GPM6A: variants seen among roughly 807,000 people sequenced by gnomAD.
GPM6A encodes glycoprotein M6A.
A neutral mutation model predicts 32.1 loss-of-function variants in GPM6A; 7 were observed. The observed-to-expected ratio is 0.22, with a 90% confidence interval of 0.12 to 0.41. The LOEUF (loss-of-function observed/expected upper bound fraction) is 0.41, where lower values mean the gene tolerates loss of function less well. Among genes scored for constraint, GPM6A ranks in the 10% least tolerant of loss-of-function variants. The pLI is 1.00. For missense variants in GPM6A, 235 were observed against 347.2 expected (o/e 0.68, Z 2.57); for synonymous variants, 130 against 123.4 (o/e 1.05, Z -0.35).
intron 1 of GPM6A, among the ~76,000 whole-genome samples, chr4:175,772,798 CAG>C (rs1424337622): frequency 6.6e-6 from 1 of 151,948 alleles, no homozygotes; most frequent in Non-Finnish European, 1.5e-5. Flanking sequence ...CAAAGAGAGA[CAG>C]AGAGAGAAAG....
intron 1 of GPM6A, among the ~76,000 whole-genome samples, chr4:176,002,031 G>A (rs1338234605): frequency 3.3e-5 from 5 of 152,176 alleles, no homozygotes; most frequent in Non-Finnish European, 7.3e-5. Context: ...GGCCGGCGCA[G>A]AGGATCAGCG....
intron 1 of GPM6A, among the ~76,000 whole-genome samples, chr4:175,859,981 A>T (rs1736525443): frequency 6.6e-6 from 1 of 152,152 alleles, no homozygotes; most frequent in Non-Finnish European, 1.5e-5. Flanking sequence ...AGACCATTTT[A>T]AACTATTTTG....
At chr4:175,778,258 G>C (rs1346768433) in intron 1 of GPM6A, among the ~76,000 whole-genome samples, 1 of 152,166 alleles carries the variant, frequency 6.6e-6, no homozygotes, top group Non-Finnish European at 1.5e-5. Flanking sequence ...TATTAATAGA[G>C]TTGGGTACTA....
chr4:175,821,115 T>C (rs1337245533), intron 1 of GPM6A, among the ~76,000 whole-genome samples: 1 of 152,184 alleles, frequency 6.6e-6, no homozygotes, highest in East Asian at 1.9e-4. Context: ...CTAAGAACTA[T>C]CTGAGAATCC....
chr4:175,738,853 C>T (rs769216797), intron 1 of GPM6A, among the ~76,000 whole-genome samples: 5 of 152,142 alleles, frequency 3.3e-5, no homozygotes, highest in Admixed American at 3.3e-4. Flanking sequence ...ACCCTCCCTA[C>T]ACACCATCTG....
In GPM6A at chr4:175,640,789, G is replaced by A; in HGVS notation, c.582C>T (p.Val194=). The stretch of plus-strand genomic sequence containing the variant: ...CGCACATCCTCAAGAAATTCTCAGA[G>A]ACAGTACAAATTTTCTTTTCCTCTC... ...TIGEEKKICT[V]SENFLRMCES... The change falls in exon 5 of 7, where the codon GTC becomes GTT. Residue 194 remains valine, a synonymous_variant. Coordinates refer to ENST00000393658, the MANE Select transcript of GPM6A (RefSeq NM_201591.3). The A allele has an allele frequency of 1.2e-6, 2 of 1,610,252 alleles. No homozygotes were observed. Among genetic ancestry groups the A allele is most frequent in the East Asian group, 2.2e-5 (1 of 44,710 alleles).
intron 1 of GPM6A, among the ~76,000 whole-genome samples, chr4:175,967,837 C>T (rs1349357787): frequency 6.6e-6 from 1 of 152,146 alleles, no homozygotes; most frequent in African/African-American, 2.4e-5. Context: ...GATGTCAGTT[C>T]TTCCCAATTA....
At chr4:175,751,613 C>T (rs1003842084) in intron 1 of GPM6A, among the ~76,000 whole-genome samples, 1 of 151,962 alleles carries the variant, frequency 6.6e-6, no homozygotes, top group Non-Finnish European at 1.5e-5. Flanking sequence ...AGCCGACTTG[C>T]CAAAAAGCTG....
intron 1 of GPM6A, among the ~76,000 whole-genome samples, chr4:175,757,371 C>T (rs893507094): frequency 6.6e-6 from 1 of 152,122 alleles, no homozygotes; most frequent in African/African-American, 2.4e-5. Context: ...CATTTTATTT[C>T]AGTCTCATTA....
At chr4:175,906,314 G>A (rs1034120978) in intron 1 of GPM6A, among the ~76,000 whole-genome samples, 3 of 152,108 alleles carry the variant, frequency 2.0e-5, no homozygotes, top group Admixed American at 2.0e-4. Flanking sequence ...TGATGTCAAG[G>A]GGAGGGAAAG....
intron 1 of GPM6A, among the ~76,000 whole-genome samples, chr4:175,935,113 T>C (rs1739176114): frequency 6.6e-6 from 1 of 152,220 alleles, no homozygotes; most frequent in African/African-American, 2.4e-5. Flanking sequence ...TACCCTCTAC[T>C]CTAGGTATTG....
At chr4:175,637,270 TATATTA>T (rs1740726913) in intron 6 of GPM6A, among the ~76,000 whole-genome samples, 1 of 51,284 alleles carries the variant, frequency 1.9e-5, no homozygotes, top group Admixed American at 4.2e-4. Flanking sequence ...ATATATATTA[TATATTA>T]TATATTATAT....
chr4:175,651,286 A>G (rs1156467041), intron 4 of GPM6A, among the ~76,000 whole-genome samples: 1 of 152,226 alleles, frequency 6.6e-6, no homozygotes, highest in Non-Finnish European at 1.5e-5. Context: ...AAATCCATAT[A>G]CATATGAGTA....
At chr4:175,893,494 T>C (rs1404436200) in intron 1 of GPM6A, among the ~76,000 whole-genome samples, 2 of 152,114 alleles carry the variant, frequency 1.3e-5, no homozygotes, top group Non-Finnish European at 2.9e-5. Context: ...CTCCTGACCT[T>C]ACTCTGATCA....
At chr4:175,785,020 A>T (rs537684352) in intron 1 of GPM6A, among the ~76,000 whole-genome samples, 1 of 152,298 alleles carries the variant, frequency 6.6e-6, no homozygotes, top group African/African-American at 2.4e-5. Context: ...CATAGAATCT[A>T]ATTCCCCCTC....
intron 1 of GPM6A, among the ~76,000 whole-genome samples, chr4:175,938,178 G>T (rs1306816555): frequency 6.6e-6 from 1 of 152,146 alleles, no homozygotes; most frequent in African/African-American, 2.4e-5. Flanking sequence ...AGAATAGGGT[G>T]ACTATACATA....
intron 1 of GPM6A, among the ~76,000 whole-genome samples, chr4:175,819,871 C>G (rs1228873249): frequency 8.6e-5 from 13 of 151,206 alleles, no homozygotes; most frequent in Admixed American, 8.6e-4. Flanking sequence ...TTGCCAGATG[C>G]TGTGAGAGAC....
intron 2 of GPM6A, among the ~76,000 whole-genome samples, chr4:175,695,704 T>G (rs557354397): frequency 1.8e-4 from 27 of 152,296 alleles, no homozygotes; most frequent in African/African-American, 6.3e-4. Flanking sequence ...ACTTTGGATT[T>G]TTGAATTAAT....
intron 1 of GPM6A, among the ~76,000 whole-genome samples, chr4:175,826,666 TA>T (rs1325923826): frequency 2.6e-5 from 4 of 152,144 alleles, no homozygotes; most frequent in Non-Finnish European, 5.9e-5. Flanking sequence ...CAGTGAAATT[TA>T]AAACACCTTT....
Sources: allele counts gnomAD v4.1 joint callset (sites outside exome capture counted in the v4.1 genomes callset), GRCh38; gene constraint gnomAD v4.1.1; transcripts MANE v1.5; gene names NCBI Gene and HGNC (gene_info 2026-07-23, HGNC 2026-07-21).